Variants in OSBPL1A observed in about 807,000 individuals in gnomAD.
OSBPL1A encodes the protein oxysterol binding protein like 1A, also known as oxysterol-binding protein-related protein 1.
Under a neutral mutation model 137.1 loss-of-function variants are expected in OSBPL1A, and 80 were observed. The ratio of observed to expected loss-of-function variants is 0.58; its 90% CI spans 0.49 to 0.70. The LOEUF (loss-of-function observed/expected upper bound fraction) is 0.70. Among genes scored for constraint, OSBPL1A ranks in the 30% least tolerant of loss-of-function variants. OSBPL1A has a pLI of 0.00. For missense variants in OSBPL1A, 970 were observed against 1,129.4 expected, an observed-to-expected ratio of 0.86 and a Z score of 2.02; for synonymous variants, 365 against 389.7, an observed-to-expected ratio of 0.94 and a Z score of 0.75.
At chr18:24,211,625 T>C (rs2087548479) in intron 17 of OSBPL1A, among the ~76,000 whole-genome samples, 1 of 151,662 alleles carries the variant, frequency 6.6e-6, no homozygotes, top group South Asian at 2.1e-4. Flanking sequence ...CTTTCCTTTT[T>C]CCCAGTGCAG....
chr18:24,242,670 A>G (rs894367561), intron 15 of OSBPL1A, among the ~76,000 whole-genome samples: 1 of 152,218 alleles, frequency 6.6e-6, no homozygotes, highest in African/African-American at 2.4e-5. Flanking sequence ...GTTAAACCCA[A>G]GTTCCAGTCC....
Position 24,333,754 on chromosome 18 carries a change from A to G in OSBPL1A, c.480+491T>C, listed in dbSNP as rs2091125867. On this transcript the variant is annotated intron_variant, in intron 6 of 27. Coordinates refer to ENST00000319481, the MANE Select transcript of OSBPL1A (RefSeq NM_080597.4). ...TTCTAAGGTGGCGGGGAACAGGCAA[A>G]CCTTTCAGTCTAATGTGGTATAAGT... Among the ~76,000 whole-genome samples, 2 of 152,104 alleles carry G rather than the reference A, an allele frequency of 1.3e-5. 1 individual carries two copies. Among genetic ancestry groups the G allele is most frequent in the South Asian group, 4.1e-4 (2 of 4,824 alleles).
intron 7 of OSBPL1A, among the ~76,000 whole-genome samples, chr18:24,326,338 A>C (rs1206001247): frequency 6.6e-6 from 1 of 152,108 alleles, no homozygotes; most frequent in Admixed American, 6.6e-5. Flanking sequence ...GTCCTCATCC[A>C]TTCACCCCTC....
intron 14 of OSBPL1A, among the ~76,000 whole-genome samples, chr18:24,293,660 C>T (rs2090233228): frequency 6.6e-6 from 1 of 152,106 alleles, no homozygotes; most frequent in South Asian, 2.1e-4. Flanking sequence ...CACGAAAGGC[C>T]ACTGGCAGGC....
At chr18:24,181,496 CCAAA>C (rs2086603453) in intron 18 of OSBPL1A, among the ~76,000 whole-genome samples, 1 of 152,134 alleles carries the variant, frequency 6.6e-6, no homozygotes, top group Non-Finnish European at 1.5e-5. Flanking sequence ...CAAAGACTGC[CCAAA>C]CATTCTCCTT....
intron 17 of OSBPL1A, among the ~76,000 whole-genome samples, chr18:24,202,999 CAG>C (rs2087262981): frequency 6.6e-6 from 1 of 152,100 alleles, no homozygotes; most frequent in Non-Finnish European, 1.5e-5. Context: ...TTTTTGGAGA[CAG>C]AGTTTCGCTC....
At chr18:24,184,044 T>C (rs957397517) in intron 18 of OSBPL1A, among the ~76,000 whole-genome samples, 1 of 152,226 alleles carries the variant, frequency 6.6e-6, no homozygotes, top group Non-Finnish European at 1.5e-5. Flanking sequence ...TCTGGGCACA[T>C]TGGTAATGCT....
intron 2 of OSBPL1A, among the ~76,000 whole-genome samples, chr18:24,376,123 G>A (rs537004197): frequency 6.6e-6 from 1 of 152,194 alleles, no homozygotes; most frequent in South Asian, 2.1e-4. Flanking sequence ...GGACTCCAGC[G>A]AGTTGCCACT....
At chr18:24,222,074 T>A (rs774288819) in intron 17 of OSBPL1A, among the ~76,000 whole-genome samples, 1 of 152,182 alleles carries the variant, frequency 6.6e-6, no homozygotes, top group Non-Finnish European at 1.5e-5. Context: ...ATAAAAAAGA[T>A]GACAGCAGGC....
chr18:24,332,275 A>G (rs747821507), intron 7 of OSBPL1A, among the ~76,000 whole-genome samples: 4 of 151,340 alleles, frequency 2.6e-5, no homozygotes, highest in Non-Finnish European at 5.9e-5. Context: ...AGTTCCAGCT[A>G]CTTGGGAGGC....
intron 4 of OSBPL1A, among the ~76,000 whole-genome samples, chr18:24,354,560 G>A (rs2091498493): frequency 6.6e-6 from 1 of 151,978 alleles, no homozygotes; most frequent in South Asian, 2.1e-4. Context: ...GATAAATGAT[G>A]CCTTCAATGG....
At chr18:24,361,507 G>C (rs573440424) in intron 4 of OSBPL1A, among the ~76,000 whole-genome samples, 63 of 152,244 alleles carry the variant, frequency 4.1e-4, no homozygotes, top group African/African-American at 1.5e-3. Flanking sequence ...TCAAACTAAG[G>C]CTCAATTTAG....
intron 5 of OSBPL1A, among the ~76,000 whole-genome samples, chr18:24,339,901 T>C (rs569839151): frequency 6.6e-6 from 1 of 152,198 alleles, no homozygotes; most frequent in Non-Finnish European, 1.5e-5. Context: ...AACTATAGAA[T>C]GAGTGAGAAG....
At chr18:24,301,289 A>G (rs1385980529) in intron 14 of OSBPL1A, 2 of 152,246 alleles carry the variant, frequency 1.3e-5, no homozygotes, top group Non-Finnish European at 2.9e-5. Flanking sequence ...ACAGATATAC[A>G]TACCATCATT....
At chr18:24,166,517 A>C in intron 26 of OSBPL1A, 62 bp downstream of exon 26, 3 of 1,557,088 alleles carry the variant, frequency 1.9e-6, no homozygotes, top group Non-Finnish European at 2.6e-6. Context: ...CACCAGGAAT[A>C]AACAAAGCAT....
intron 14 of OSBPL1A, among the ~76,000 whole-genome samples, chr18:24,298,850 A>T (rs1306909086): frequency 6.6e-6 from 1 of 152,042 alleles, no homozygotes; most frequent in African/African-American, 2.4e-5. Flanking sequence ...CACTATTACC[A>T]TGTTGCTGTC....
At chr18:24,389,448 G>A (rs1432475444) in intron 1 of OSBPL1A, among the ~76,000 whole-genome samples, 1 of 152,010 alleles carries the variant, frequency 6.6e-6, no homozygotes, top group Non-Finnish European at 1.5e-5. Flanking sequence ...ACTTAAACTG[G>A]TGACCATACT....
In OSBPL1A at chr18:24,175,122, A is replaced by ATATATATATG. The variant is rs1555625070; in HGVS notation, c.2094-2640_2094-2639insCATATATATA. Among the ~76,000 whole-genome samples, 7 of 124,956 alleles carry ATATATATATG rather than the reference A, an allele frequency of 5.6e-5. No individual in the cohort carries two copies. The East Asian group carries it at 1.4e-3, about 26-fold the overall frequency. The allele number at this position is 124,956 out of a possible 152,430, so 82.0% of individuals were successfully genotyped here. On this transcript the variant is annotated intron_variant, in intron 21 of 27. Coordinates refer to ENST00000319481, the MANE Select transcript of OSBPL1A (RefSeq NM_080597.4). ...GCCATGTGTATGTATATATATATAT[A>ATATATATATG]TATATATATATATACACATATATAT...
At chr18:24,343,002 G>A (rs915896420) in intron 4 of OSBPL1A, among the ~76,000 whole-genome samples, 2 of 151,734 alleles carry the variant, frequency 1.3e-5, no homozygotes, top group Non-Finnish European at 2.9e-5. Flanking sequence ...TGGGGCTCAT[G>A]TTTTCATGCT....
Sources: gnomAD v4.1 joint callset for allele counts (sites outside exome capture counted in the v4.1 genomes callset) on GRCh38, gnomAD v4.1.1 for gene constraint, MANE v1.5 for transcripts, NCBI Gene and HGNC (gene_info 2026-07-23, HGNC 2026-07-21) for gene names.